DNAH6: variants seen among roughly 807,000 people sequenced by gnomAD.
The protein encoded by DNAH6 is axonemal beta dynein heavy chain 6.
A neutral mutation model predicts 491.4 loss-of-function variants in DNAH6; 340 were observed. The observed-to-expected ratio is 0.69, with a 90% CI of 0.63 to 0.76. The LOEUF is 0.76. Ranked by LOEUF, DNAH6 falls within the 30% of genes least tolerant of loss-of-function variation. The pLI is 0.00. For missense variants in DNAH6, 4,443 were observed against 4,972.2 expected (o/e 0.89, Z 3.20); for synonymous variants, 1,603 against 1,686.1 (o/e 0.95, Z 1.21).
intron 45 of DNAH6, among the ~76,000 whole-genome samples, chr2:84,691,618 C>T (rs1391617033): frequency 6.9e-6 from 1 of 144,690 alleles, no homozygotes; most frequent in African/African-American, 2.8e-5. Flanking sequence ...TCAGTATCTG[C>T]AGATCATACT....
Position 84,701,306 on chromosome 2 carries a change from T to C in DNAH6, c.8028T>C (p.Ser2676=), listed in dbSNP as rs1695879512. ...TGGAGCTTATCAATCTTTACCTGTC[T>C]ATGCTGTCTGAAAAAAGGAAGCAGA... The part of the protein sequence containing the change: ...SYLELINLYL[S]MLSEKRKQII... Residue 2676 remains serine (S), a synonymous_variant, in exon 49 of 77, where the codon TCT becomes TCC. Transcript: ENST00000389394. The C allele has an allele frequency of 6.4e-7, 1 of 1,550,998 alleles. No homozygotes were observed. The highest frequency in any genetic ancestry group is 1.4e-5 in the African/African-American group (1 of 73,030).
At chr2:84,468,334 T>C in the DNAH6 span, among the ~76,000 whole-genome samples, 1 of 152,216 alleles carries the variant, frequency 6.6e-6, no homozygotes, top group African/African-American at 2.4e-5. Context: ...AGTTTCTTAA[T>C]TGGATTACTA....
At chr2:84,556,523 TTTTC>T (rs1484605113) in intron 10 of DNAH6, among the ~76,000 whole-genome samples, 1 of 152,232 alleles carries the variant, frequency 6.6e-6, no homozygotes, top group Non-Finnish European at 1.5e-5. Flanking sequence ...AAGACTTACC[TTTTC>T]TTTATCTCAT....
chr2:84,623,217 A>G (rs1687558925), intron 26 of DNAH6, among the ~76,000 whole-genome samples: 1 of 152,208 alleles, frequency 6.6e-6, no homozygotes, highest in African/African-American at 2.4e-5. Context: ...CAAAAGCACA[A>G]GCAACAAAAG....
At chr2:84,609,267 T>C (rs549962181) in intron 21 of DNAH6, among the ~76,000 whole-genome samples, 11 of 152,194 alleles carry the variant, frequency 7.2e-5, no homozygotes, top group Non-Finnish European at 1.5e-4. Context: ...TCAAGAACTT[T>C]TCCTTTGCAT....
the DNAH6 span, among the ~76,000 whole-genome samples, chr2:84,508,132 A>G: frequency 6.6e-6 from 1 of 152,328 alleles, no homozygotes; most frequent in South Asian, 2.1e-4. Flanking sequence ...GAGTTGTTTC[A>G]GAAGGAATGG....
At chr2:84,758,368 T>A (rs940390044) in intron 63 of DNAH6, among the ~76,000 whole-genome samples, 1 of 152,086 alleles carries the variant, frequency 6.6e-6, no homozygotes, top group Non-Finnish European at 1.5e-5. Flanking sequence ...ATAAAAACTA[T>A]AAAAGAAGTT....
chr2:84,790,572 G>T (rs1677635916), intron 68 of DNAH6, among the ~76,000 whole-genome samples: 1 of 152,142 alleles, frequency 6.6e-6, no homozygotes, highest in East Asian at 1.9e-4. Flanking sequence ...AATGGTTGAA[G>T]ATTTTATTTG....
chr2:84,560,641 G>C (rs1029840759), intron 11 of DNAH6, among the ~76,000 whole-genome samples: 20 of 151,596 alleles, frequency 1.3e-4, no homozygotes, highest in Non-Finnish European at 2.8e-4. Context: ...CCCAGAGTGT[G>C]ATGTTCCCCT....
the DNAH6 span, among the ~76,000 whole-genome samples, chr2:84,507,417 G>A: frequency 3.9e-5 from 6 of 152,218 alleles, no homozygotes; most frequent in East Asian, 1.9e-4. Context: ...CATTGATTTT[G>A]TAACCTGAGA....
rs36209367 is a variant in DNAH6, at chr2:84,580,316, GCA to G, written c.2229+671_2229+672del. On this transcript the variant is annotated intron_variant, in intron 14 of 76. Coordinates refer to ENST00000389394, the MANE Select transcript of DNAH6 (RefSeq NM_001370.2). Reference sequence around the variant, plus strand: ...CTCTCTTATACACACACATACACACGCACACACACACACACACACACACACAC... The same window carrying G: ...CTCTCTTATACACACACATACACACGCACACACACACACACACACACACAC... Among the ~76,000 whole-genome samples, 312 of 149,286 alleles carry G rather than the reference GCA, an allele frequency of 2.1e-3. 2 individuals carry two copies. In the South Asian group the frequency reaches 0.028, roughly 14 times the overall value.
At chr2:84,761,136 A>T (rs955597367) in intron 63 of DNAH6, among the ~76,000 whole-genome samples, 1 of 152,200 alleles carries the variant, frequency 6.6e-6, no homozygotes, top group Non-Finnish European at 1.5e-5. Flanking sequence ...ACTATATTCG[A>T]CCATAAAAAT....
chr2:84,471,902 C>G, the DNAH6 span, among the ~76,000 whole-genome samples: 4 of 152,266 alleles, frequency 2.6e-5, no homozygotes, highest in East Asian at 5.8e-4. Context: ...CAGGTGGGTC[C>G]ACTAGATGCT....
chr2:84,698,285 T>G (rs1449801074), intron 47 of DNAH6, among the ~76,000 whole-genome samples: 1 of 152,204 alleles, frequency 6.6e-6, no homozygotes, highest in Non-Finnish European at 1.5e-5. Context: ...CTGTTTCCCT[T>G]TGTGAGAATT....
chr2:84,509,367 G>A, the DNAH6 span, among the ~76,000 whole-genome samples: 2 of 152,114 alleles, frequency 1.3e-5, no homozygotes, highest in East Asian at 3.8e-4. Flanking sequence ...TTGGTTTAAA[G>A]TCTGTTTTAT....
intron 8 of DNAH6, among the ~76,000 whole-genome samples, chr2:84,549,470 A>G (rs1679113505): frequency 6.6e-6 from 1 of 152,224 alleles, no homozygotes; most frequent in Non-Finnish European, 1.5e-5. Flanking sequence ...AGCAATTGCC[A>G]TCAACATTTA....
chr2:84,776,929 T>C (rs562994757), intron 64 of DNAH6, among the ~76,000 whole-genome samples: 4 of 152,262 alleles, frequency 2.6e-5, no homozygotes, highest in African/African-American at 7.2e-5. Flanking sequence ...AAAGGATGAG[T>C]TCATGTCCTT....
intron 30 of DNAH6, among the ~76,000 whole-genome samples, chr2:84,635,396 A>T (rs1688785991): frequency 6.6e-6 from 1 of 152,222 alleles, no homozygotes; most frequent in Non-Finnish European, 1.5e-5. Context: ...AGTTAAAAAA[A>T]TATTTTCATA....
chr2:84,662,957 G>C (rs972788332), intron 37 of DNAH6, among the ~76,000 whole-genome samples: 1 of 152,164 alleles, frequency 6.6e-6, no homozygotes, highest in African/African-American at 2.4e-5. Flanking sequence ...GCCTCTGCTG[G>C]TGATACCCAG....
Sources: gnomAD v4.1 joint callset for allele counts (sites outside exome capture counted in the v4.1 genomes callset) on GRCh38, gnomAD v4.1.1 for gene constraint, MANE v1.5 for transcripts, NCBI Gene and HGNC (gene_info 2026-07-23, HGNC 2026-07-21) for gene names.